The following PDE7A variants were observed in gnomAD, a reference collection of about 807,000 sequenced individuals.
PDE7A encodes phosphodiesterase 7A.
Under a neutral mutation model 64.3 loss-of-function variants are expected in PDE7A, and 39 were observed. The ratio of observed to expected loss-of-function variants is 0.61; its 90% CI spans 0.47 to 0.79. The LOEUF (loss-of-function observed/expected upper bound fraction) is 0.79, where lower values mean the gene tolerates loss of function less well. Among genes scored for constraint, PDE7A ranks in the 30% least tolerant of loss-of-function variants. The pLI is 0.00. For missense variants in PDE7A, 470 were observed against 582.8 expected (o/e 0.81, Z 1.99); for synonymous variants, 203 against 206.8 (o/e 0.98, Z 0.16).
chr8:65,726,182 TG>T (rs1239336112), intron 9 of PDE7A, among the ~76,000 whole-genome samples: 1 of 152,226 alleles, frequency 6.6e-6, no homozygotes, highest in Non-Finnish European at 1.5e-5. Context: ...CATGGTTTGC[TG>T]ACGTGCATTT....
In PDE7A at chr8:65,841,452, G is replaced by A. The variant is rs771502378; in HGVS notation, c.57C>T (p.His19=). Residue 19 remains histidine, a synonymous_variant, in exon 1 of 13, where the codon CAC becomes CAT. Coordinates refer to ENST00000401827, the MANE Select transcript of PDE7A (RefSeq NM_001242318.3). ...TGATGGCTCCTCGGCGGCTGAGGACGTGCTGGGGGACCGGCCTGTCCAGGG... is the reference window on the plus strand; with the variant it reads ...TGATGGCTCCTCGGCGGCTGAGGACATGCTGGGGGACCGGCCTGTCCAGGG... ...VLPLDRPVPQ[H]VLSRRGAISF... 3 of 1,565,360 alleles carry A rather than the reference G, an allele frequency of 1.9e-6. No homozygotes were observed. Among genetic ancestry groups the A allele is most frequent in the Non-Finnish European group, 2.6e-6 (3 of 1,160,230 alleles).
At chr8:65,786,097 ATTAATC>A (rs1330940524) in intron 1 of PDE7A, among the ~76,000 whole-genome samples, 2 of 152,198 alleles carry the variant, frequency 1.3e-5, no homozygotes, top group African/African-American at 2.4e-5. Context: ...TAGGGTCTGT[ATTAATC>A]TTAATTTCTT....
At chr8:65,725,303 G>C (rs1404896691) in intron 9 of PDE7A, 1 of 157,768 alleles carries the variant, frequency 6.3e-6, no homozygotes, top group Non-Finnish European at 1.4e-5. Flanking sequence ...AACAACTTTG[G>C]TTTGCTTTTT....
chr8:65,775,145 CT>C, intron 3 of PDE7A, among the ~76,000 whole-genome samples: 1 of 152,200 alleles, frequency 6.6e-6, no homozygotes, highest in Middle Eastern at 3.4e-3. Context: ...GTGTTTTCCC[CT>C]CTTAGTTTTT....
At chr8:65,764,285 C>T (rs953985806) in intron 3 of PDE7A, among the ~76,000 whole-genome samples, 2 of 152,190 alleles carry the variant, frequency 1.3e-5, no homozygotes, top group South Asian at 2.1e-4. Flanking sequence ...GAGAAATGAA[C>T]GACTGGGAAG....
At chr8:65,745,703 A>T (rs2128905589) in intron 4 of PDE7A, among the ~76,000 whole-genome samples, 1 of 152,374 alleles carries the variant, frequency 6.6e-6, no homozygotes, top group Admixed American at 6.5e-5. Flanking sequence ...ATGAATGCAC[A>T]GGAAGGTTAT....
At chr8:65,760,957 G>C (rs1808461613) in intron 3 of PDE7A, among the ~76,000 whole-genome samples, 1 of 152,150 alleles carries the variant, frequency 6.6e-6, no homozygotes, top group African/African-American at 2.4e-5. Context: ...CTGGGAACAA[G>C]AGTGACTATG....
chr8:65,724,787 A>G lies in PDE7A; in HGVS notation c.1055T>C (p.Leu352Ser). Residue 352 changes from leucine (L) to serine (S), a missense_variant, in exon 10 of 13, where the codon TTG becomes TCG. Coordinates refer to ENST00000401827, the MANE Select transcript of PDE7A (RefSeq NM_001242318.3). The part of the protein sequence containing the change: ...LCLEDTRHRH[L>S]VLQMALKCAD... ...CAAGCCCCATTTTACCTGTAAAACCAAATGTCTGTGTCTGGTGTCTTCTAG... is the reference window on the plus strand; with the variant it reads ...CAAGCCCCATTTTACCTGTAAAACCGAATGTCTGTGTCTGGTGTCTTCTAG... The G allele has an allele frequency of 6.2e-7, 1 of 1,604,724 alleles. No individual in the cohort carries two copies. The highest frequency in any genetic ancestry group is 8.5e-7 in the Non-Finnish European group (1 of 1,175,946).
chr8:65,840,691 C>G (rs2128936336), intron 1 of PDE7A, among the ~76,000 whole-genome samples: 1 of 151,878 alleles, frequency 6.6e-6, no homozygotes, highest in Middle Eastern at 3.4e-3. Context: ...TGCTCAGGAG[C>G]AACTGGTATT....
At chr8:65,761,101 G>A (rs929126250) in intron 3 of PDE7A, among the ~76,000 whole-genome samples, 7 of 149,796 alleles carry the variant, frequency 4.7e-5, no homozygotes, top group Non-Finnish European at 7.4e-5. Flanking sequence ...GCCCTGTGGC[G>A]TAGGCTAGAG....
chr8:65,787,098 A>G (rs1809579281), intron 1 of PDE7A, among the ~76,000 whole-genome samples: 1 of 152,226 alleles, frequency 6.6e-6, no homozygotes, highest in Non-Finnish European at 1.5e-5. Flanking sequence ...AAGATATTTT[A>G]AGTGTCATTG....
chr8:65,752,597 A>C (rs1177808301), intron 3 of PDE7A, among the ~76,000 whole-genome samples: 1 of 152,214 alleles, frequency 6.6e-6, no homozygotes, highest in Non-Finnish European at 1.5e-5. Context: ...TTCTCTTTAA[A>C]GGCCAATTAC....
chr8:65,804,251 C>T (rs1183785698), intron 1 of PDE7A, among the ~76,000 whole-genome samples: 1 of 152,096 alleles, frequency 6.6e-6, no homozygotes, highest in Admixed American at 6.6e-5. Flanking sequence ...CATTTTTTAA[C>T]CCTATACCTA....
At chr8:65,773,873 T>C (rs1027993691) in intron 3 of PDE7A, among the ~76,000 whole-genome samples, 11 of 152,226 alleles carry the variant, frequency 7.2e-5, no homozygotes, top group African/African-American at 2.4e-4. Context: ...TTCTCTTATT[T>C]TACTAAATTC....
chr8:65,724,713 AT>A (rs1271102528), intron 10 of PDE7A, 63 bp downstream of exon 10: 1 of 1,389,068 alleles, frequency 7.2e-7, no homozygotes. Context: ...TAGAATATTC[AT>A]TTTTTAGTTT....
At chr8:65,785,212 C>CG (rs1337328709) in intron 1 of PDE7A, among the ~76,000 whole-genome samples, 1 of 152,114 alleles carries the variant, frequency 6.6e-6, no homozygotes, top group Non-Finnish European at 1.5e-5. Context: ...AAAATTCTAA[C>CG]TATCACCACT....
At chr8:65,742,816 C>T (rs1315433715) in intron 5 of PDE7A, among the ~76,000 whole-genome samples, 1 of 152,178 alleles carries the variant, frequency 6.6e-6, no homozygotes, top group East Asian at 1.9e-4. Context: ...GGGTAGCTAA[C>T]CATGAGTGGT....
chr8:65,735,810 C>A (rs1390092978), intron 6 of PDE7A, among the ~76,000 whole-genome samples: 4 of 151,804 alleles, frequency 2.6e-5, no homozygotes. Flanking sequence ...ATTTTTGTCA[C>A]AATGGGGTTT....
At chr8:65,724,487 G>A (rs1475787161) in intron 10 of PDE7A, 136 bp from the exon 11 acceptor site, 4 of 607,336 alleles carry the variant, frequency 6.6e-6, no homozygotes, top group South Asian at 2.5e-5. Flanking sequence ...ATTTTTAGAT[G>A]TAAGAATTTA....
Sources: allele counts gnomAD v4.1 joint callset (sites outside exome capture counted in the v4.1 genomes callset), GRCh38; gene constraint gnomAD v4.1.1; transcripts MANE v1.5; gene names NCBI Gene and HGNC (gene_info 2026-07-23, HGNC 2026-07-21).